Variants in SRRM3 observed in about 807,000 individuals in gnomAD.
SRRM3 encodes the protein serine/arginine repetitive matrix 3.
A neutral mutation model predicts 66.2 loss-of-function variants in SRRM3; 27 were observed. That is an observed-to-expected ratio of 0.41 (90% CI 0.30 to 0.56). The LOEUF (loss-of-function observed/expected upper bound fraction) is 0.56. Ranked by LOEUF, SRRM3 falls within the 20% of genes least tolerant of loss-of-function variation. The probability of loss-of-function intolerance (pLI) is 0.32; values close to 1 mark genes in which losing one functional copy is unlikely to be tolerated. For synonymous variants in SRRM3, 391 were observed against 414.9 expected (o/e 0.94, Z 0.70); for missense variants, 918 against 991.9 (o/e 0.93, Z 1.00).
chr7:76,212,426 G>A (rs1196622610), intron 1 of SRRM3, among the ~76,000 whole-genome samples: 1 of 150,464 alleles, frequency 6.6e-6, no homozygotes, highest in East Asian at 1.9e-4. Context: ...CAAAGTGCTG[G>A]GATTACCGGC....
chr7:76,285,569 G>A lies in SRRM3; in HGVS notation c.1734-46G>A. ...AAGCCCTGGCCGCTGCTGGGATGGG[G>A]CTCGGGGCCTGGGATGGCCTGTAAT... On this transcript the variant is annotated intron_variant, in intron 14 of 14. Coordinates refer to ENST00000611745, the MANE Select transcript of SRRM3 (RefSeq NM_001110199.3). This position sits in a 1 kb window ranked among gnomAD's most constrained non-coding sequence, Gnocchi z 4.1. 1 of 1,495,414 alleles carries A rather than the reference G, an allele frequency of 6.7e-7. No homozygotes were observed. The allele number at this position is 1,495,414 out of a possible 1,614,324, so 92.6% of individuals were successfully genotyped here. A position where few individuals can be genotyped will look rare whatever the true frequency, so the allele number is the denominator to read the frequency against.
chr7:76,212,996 C>T (rs1390926200), intron 1 of SRRM3, among the ~76,000 whole-genome samples: 1 of 144,882 alleles, frequency 6.9e-6, no homozygotes, highest in Non-Finnish European at 1.5e-5. Context: ...CCACTTTACA[C>T]CCCATTCCTT....
chr7:76,222,095 T>C (rs371790019), intron 1 of SRRM3, among the ~76,000 whole-genome samples: 1 of 152,166 alleles, frequency 6.6e-6, no homozygotes, highest in Admixed American at 6.6e-5. Context: ...GGTTATCAGT[T>C]ATCCTTTAAG....
At chr7:76,249,668 C>T (rs536193379) in intron 3 of SRRM3, among the ~76,000 whole-genome samples, 3 of 152,332 alleles carry the variant, frequency 2.0e-5, no homozygotes, top group South Asian at 2.1e-4. Context: ...GCTCAGGGAG[C>T]GTTGCTGAAT....
intron 1 of SRRM3, among the ~76,000 whole-genome samples, chr7:76,208,403 T>C (rs1460905447): frequency 6.6e-6 from 1 of 151,272 alleles, no homozygotes; most frequent in African/African-American, 2.4e-5. Flanking sequence ...GTATGGTGGC[T>C]CATGCCTGTA....
At chr7:76,265,532 C>T in intron 10 of SRRM3, 64 bp downstream of exon 10, 1 of 1,350,268 alleles carries the variant, frequency 7.4e-7, no homozygotes, top group Non-Finnish European at 1.0e-6. Context: ...TTAAACACCC[C>T]CAAGGGCTGG....
At chr7:76,242,942 C>T (rs1554605792) in intron 2 of SRRM3, among the ~76,000 whole-genome samples, 1 of 152,106 alleles carries the variant, frequency 6.6e-6, no homozygotes, top group Non-Finnish European at 1.5e-5. Context: ...CCTAATAGGC[C>T]ACAGAGTGGT....
At chr7:76,206,148 C>T (rs1287857344) in intron 1 of SRRM3, among the ~76,000 whole-genome samples, 1 of 152,180 alleles carries the variant, frequency 6.6e-6, no homozygotes, top group African/African-American at 2.4e-5. Flanking sequence ...GCTAGGACTG[C>T]AGGCATGTAC....
intron 1 of SRRM3, among the ~76,000 whole-genome samples, chr7:76,205,708 G>A (rs1468131627): frequency 1.3e-5 from 2 of 152,340 alleles, no homozygotes; most frequent in East Asian, 3.9e-4. Flanking sequence ...CTCAAATTCT[G>A]GGCCAGAAAG....
Position 76,259,966 on chromosome 7 carries a change from TGAC to T in SRRM3, c.399_401del (p.Asp136del). 9 of 1,601,126 alleles carry T rather than the reference TGAC, an allele frequency of 5.6e-6. No individual in the cohort carries two copies. The highest frequency in any genetic ancestry group is 5.1e-6 in the Non-Finnish European group (6 of 1,179,186). On this transcript the variant is annotated inframe_deletion, in exon 4 of 15. Coordinates refer to ENST00000611745, the MANE Select transcript of SRRM3 (RefSeq NM_001110199.3). ...AGCCGGGCCTGGAGTACGCGCCCTT[TGAC>T]GATGACGACGGCCCAGTGGACTGTG...
Position 76,282,764 on chromosome 7 carries a change from C to T in SRRM3, c.1487C>T (p.Pro496Leu). 1.4e-6 allele frequency: 2 copies of T among 1,465,244 alleles called. No individual in the cohort carries two copies. Among genetic ancestry groups the T allele is most frequent in the South Asian group, 1.3e-5 (1 of 77,434 alleles). The allele number at this position is 1,465,244 out of a possible 1,614,324, so 90.8% of individuals were successfully genotyped here. A position where few individuals can be genotyped will look rare whatever the true frequency, so the allele number is the denominator to read the frequency against. ...TCGTCGCGCAGCCCCGGCCCGCACC[C>T]CCGCTCCTGGAGCTCCAGCCGCTCG... Reference protein sequence around the residue: ...KSSSRSPGPHPRSWSSSRSPS... With the variant: ...KSSSRSPGPHLRSWSSSRSPS... The change falls in exon 13 of 15, where the codon CCC becomes CTC. Residue 496 changes from proline (P) to leucine (L), a missense_variant. Coordinates refer to ENST00000611745, the MANE Select transcript of SRRM3 (RefSeq NM_001110199.3).
At chr7:76,279,216 G>A (rs546827264) in intron 11 of SRRM3, among the ~76,000 whole-genome samples, 15 of 152,122 alleles carry the variant, frequency 9.9e-5, no homozygotes, top group African/African-American at 2.9e-4. Context: ...CCCAGATCAC[G>A]CCAGTGCACT....
chr7:76,243,201 A>G (rs1413226096), intron 2 of SRRM3, among the ~76,000 whole-genome samples: 2 of 152,176 alleles, frequency 1.3e-5, no homozygotes, highest in Admixed American at 6.5e-5. Context: ...GGAGAAGCAC[A>G]TGGACTTGCC....
intron 11 of SRRM3, among the ~76,000 whole-genome samples, chr7:76,274,052 C>T (rs781986285): frequency 3.3e-5 from 5 of 152,208 alleles, no homozygotes; most frequent in South Asian, 4.1e-4. Flanking sequence ...GGAGTAGCTG[C>T]GAAGCCCCTC....
intron 1 of SRRM3, among the ~76,000 whole-genome samples, chr7:76,202,404 G>A (rs1044740102): frequency 3.9e-5 from 6 of 152,152 alleles, no homozygotes; most frequent in Non-Finnish European, 8.8e-5. Context: ...GGGAAGGGAG[G>A]ACCGATGCAG....
intron 1 of SRRM3, among the ~76,000 whole-genome samples, chr7:76,229,055 C>T (rs927902320): frequency 2.6e-5 from 4 of 152,014 alleles, no homozygotes; most frequent in Non-Finnish European, 5.9e-5. Flanking sequence ...CCTGCCACTA[C>T]ACCCGGCTAA....
At chr7:76,266,966 C>T (rs1178568076) in intron 10 of SRRM3, among the ~76,000 whole-genome samples, 1 of 151,978 alleles carries the variant, frequency 6.6e-6, no homozygotes, top group Non-Finnish European at 1.5e-5. Context: ...AGCCACCAAG[C>T]CCAGCCTAAT....
chr7:76,233,440 G>C (rs1480852139), intron 1 of SRRM3, among the ~76,000 whole-genome samples: 1 of 152,174 alleles, frequency 6.6e-6, no homozygotes, highest in Admixed American at 6.6e-5. Flanking sequence ...AGATAGAGGG[G>C]TCACCCATGA....
intron 1 of SRRM3, among the ~76,000 whole-genome samples, chr7:76,204,601 G>C (rs1800250477): frequency 1.3e-5 from 2 of 152,126 alleles, no homozygotes; most frequent in African/African-American, 4.8e-5. Context: ...AATCAATCCA[G>C]GCACTGTAGG....
Sources: gnomAD v4.1 joint callset for allele counts (sites outside exome capture counted in the v4.1 genomes callset) on GRCh38, gnomAD v4.1.1 for gene constraint, Gnocchi (gnomAD v3.1) non-coding constraint, MANE v1.5 for transcripts, NCBI Gene and HGNC (gene_info 2026-07-23, HGNC 2026-07-21) for gene names.